Variants in PLD5 observed in about 807,000 individuals in gnomAD.
PLD5 encodes inactive phospholipase D5.
In PLD5, 36 loss-of-function variants were observed where a neutral mutation model predicts 61.1. The observed-to-expected ratio is 0.59, with a 90% confidence interval of 0.45 to 0.78. PLD5 has a LOEUF of 0.78. PLD5 is among the 30% of genes least tolerant of loss of function. PLD5 has a pLI of 0.00. For missense variants in PLD5, 515 were observed against 644.4 expected (o/e 0.80, Z 2.17); for synonymous variants, 243 against 242.8 (o/e 1.00, Z -0.01).
chr1:242,221,561 T>G (rs907068384), intron 4 of PLD5, among the ~76,000 whole-genome samples: 9 of 152,042 alleles, frequency 5.9e-5, no homozygotes, highest in Admixed American at 1.3e-4. Flanking sequence ...AAAAGAGATG[T>G]TATGAGGTTG....
At chr1:242,527,495 T>C (rs1669476090), upstream of PLD5, among the ~76,000 whole-genome samples, 1 of 152,154 alleles carries the variant, frequency 6.6e-6, no homozygotes, top group Non-Finnish European at 1.5e-5. Flanking sequence ...TACTACTGAA[T>C]TGAGCATTAT....
At chr1:242,480,984 T>A (rs1572218555) in intron 1 of PLD5, among the ~76,000 whole-genome samples, 1 of 152,310 alleles carries the variant, frequency 6.6e-6, no homozygotes, top group Non-Finnish European at 1.5e-5. Context: ...CACTTAGTAC[T>A]TTTTTTAGAA....
intron 2 of PLD5, among the ~76,000 whole-genome samples, chr1:242,339,255 C>T (rs1164268129): frequency 1.3e-5 from 2 of 152,066 alleles, no homozygotes; most frequent in Non-Finnish European, 2.9e-5. Flanking sequence ...CAGCATGGGG[C>T]ACAGAGAGAG....
chr1:242,209,897 C>A (rs1246462168), intron 5 of PLD5, among the ~76,000 whole-genome samples: 1 of 152,168 alleles, frequency 6.6e-6, no homozygotes, highest in Non-Finnish European at 1.5e-5. Context: ...CAGGTTCAAG[C>A]AAGTCTCCTG....
At chr1:242,395,164 T>C (rs1663496455) in intron 1 of PLD5, among the ~76,000 whole-genome samples, 1 of 149,852 alleles carries the variant, frequency 6.7e-6, no homozygotes, top group African/African-American at 2.4e-5. Flanking sequence ...TCCTAAAATT[T>C]TTAAAAATGT....
chr1:242,484,353 G>A (rs189661112), intron 1 of PLD5, among the ~76,000 whole-genome samples: 35 of 152,176 alleles, frequency 2.3e-4, no homozygotes, highest in Non-Finnish European at 3.7e-4. Flanking sequence ...TCAAATAGAT[G>A]CAATAAAAAA....
chr1:242,420,872 T>C (rs540220860), intron 1 of PLD5, among the ~76,000 whole-genome samples: 1 of 152,142 alleles, frequency 6.6e-6, no homozygotes, highest in Non-Finnish European at 1.5e-5. Context: ...TATTCATAGT[T>C]ATTTTAGTAT....
At chr1:242,458,336 G>A (rs59565890) in intron 1 of PLD5, among the ~76,000 whole-genome samples, 38,888 of 152,116 alleles carry the variant, frequency 0.26, 5,318 homozygotes, top group Middle Eastern at 0.34. Context: ...TATTACTAAT[G>A]ATTGCTCTCA....
In PLD5 at chr1:242,087,146, G is replaced by A. The variant is rs1659512266; in HGVS notation, c.*2708C>T. On this transcript the variant is annotated 3_prime_UTR_variant, in exon 10 of 10. Coordinates refer to ENST00000536534, the MANE Select transcript of PLD5 (RefSeq NM_001372062.1). ...CATGAACCCATTTCTGACACTCTTG[G>A]TATGGGGGTCACTTTTCTGGCTGCC... The A allele has an allele frequency of 6.6e-6, 1 of 152,176 alleles. No individual in the cohort carries two copies. Among genetic ancestry groups the A allele is most frequent in the South Asian group, 2.1e-4 (1 of 4,830 alleles). The allele number at this position is 152,176 out of a possible 1,614,324, so 9.4% of individuals were successfully genotyped here.
chr1:242,429,336 A>C (rs1462638888), intron 1 of PLD5, among the ~76,000 whole-genome samples: 1 of 152,228 alleles, frequency 6.6e-6, no homozygotes, highest in African/African-American at 2.4e-5. Flanking sequence ...AACCACAAGA[A>C]AGCAAATTAG....
At chr1:242,377,692 A>G (rs999047216) in intron 1 of PLD5, among the ~76,000 whole-genome samples, 4 of 152,112 alleles carry the variant, frequency 2.6e-5, no homozygotes, top group African/African-American at 9.7e-5. Context: ...AATACAAACA[A>G]CTCAATTTAA....
intron 1 of PLD5, among the ~76,000 whole-genome samples, chr1:242,481,754 C>T (rs1468771399): frequency 6.6e-6 from 1 of 152,238 alleles, no homozygotes; most frequent in Non-Finnish European, 1.5e-5. Flanking sequence ...AACAGACAGA[C>T]TGCCTCCTCA....
intron 2 of PLD5, among the ~76,000 whole-genome samples, chr1:242,298,375 C>T (rs1171878344): frequency 1.3e-5 from 2 of 152,182 alleles, no homozygotes; most frequent in Non-Finnish European, 2.9e-5. Context: ...GATATTATTA[C>T]ATAGCATCGT....
intron 1 of PLD5, among the ~76,000 whole-genome samples, chr1:242,434,295 G>A (rs1006523119): frequency 1.3e-5 from 2 of 152,340 alleles, no homozygotes; most frequent in Middle Eastern, 3.4e-3. Flanking sequence ...AGGAGTGGAA[G>A]AGAAGAGCCG....
At chr1:242,406,904 G>T (rs887853651) in intron 1 of PLD5, among the ~76,000 whole-genome samples, 1 of 152,124 alleles carries the variant, frequency 6.6e-6, no homozygotes, top group East Asian at 1.9e-4. Context: ...TTTAACAGAG[G>T]TATGAATTGT....
intron 1 of PLD5, among the ~76,000 whole-genome samples, chr1:242,423,265 A>G (rs935874556): frequency 6.6e-6 from 1 of 152,208 alleles, no homozygotes; most frequent in Non-Finnish European, 1.5e-5. Context: ...TGCACAGCAG[A>G]CAATAAATGT....
chr1:242,190,041 C>T (rs907623708), intron 5 of PLD5, among the ~76,000 whole-genome samples: 1 of 151,308 alleles, frequency 6.6e-6, no homozygotes, highest in Non-Finnish European at 1.5e-5. Context: ...CGTGGTCTCC[C>T]CAGGCAGCCT....
intron 2 of PLD5, among the ~76,000 whole-genome samples, chr1:242,320,535 A>G (rs758095613): frequency 6.6e-4 from 101 of 152,172 alleles, no homozygotes; most frequent in Admixed American, 1.1e-3. Flanking sequence ...CACACAGCAA[A>G]GCTTGGTCAT....
At chr1:242,117,709 G>A (rs1372607804) in intron 6 of PLD5, among the ~76,000 whole-genome samples, 2 of 152,014 alleles carry the variant, frequency 1.3e-5, no homozygotes, top group African/African-American at 2.4e-5. Context: ...CCAATCAAAG[G>A]TTGCTTTTCC....
Sources: allele counts gnomAD v4.1 joint callset (sites outside exome capture counted in the v4.1 genomes callset), GRCh38; gene constraint gnomAD v4.1.1; transcripts MANE v1.5; gene names NCBI Gene and HGNC (gene_info 2026-07-23, HGNC 2026-07-21).